The following HEATR4 variants were observed in gnomAD, a reference collection of about 807,000 sequenced individuals.
The protein encoded by HEATR4 is HEAT repeat containing 4.
HEATR4 carries 95 observed loss-of-function variants against 108.8 expected under a neutral mutation model. The ratio of observed to expected loss-of-function variants is 0.87; its 90% CI spans 0.74 to 1.04. The LOEUF (loss-of-function observed/expected upper bound fraction) is 1.04. Ranked by LOEUF, HEATR4 falls within the 50% of genes least tolerant of loss-of-function variation. HEATR4 has a pLI of 0.00. For missense variants in HEATR4, 1,152 were observed against 1,253.8 expected, an observed-to-expected ratio of 0.92 and a Z score of 1.23; for synonymous variants, 443 against 459.4, an observed-to-expected ratio of 0.96 and a Z score of 0.46.
At chr14:73,534,138 T>C (rs1482865213) in intron 1 of HEATR4, among the ~76,000 whole-genome samples, 1 of 110,502 alleles carries the variant, frequency 9.0e-6, no homozygotes, top group Non-Finnish European at 1.9e-5. Context: ...CCCAGCACTT[T>C]GGGAGGCTGA....
chr14:73,621,079 G>T, the HEATR4 span, among the ~76,000 whole-genome samples: 1 of 151,980 alleles, frequency 6.6e-6, no homozygotes, highest in South Asian at 2.1e-4. Flanking sequence ...CAGGCAAGGT[G>T]GCGGGCACCT....
intron 4 of HEATR4, among the ~76,000 whole-genome samples, chr14:73,519,518 G>A (rs76778066): frequency 0.063 from 9,527 of 152,162 alleles, 348 homozygotes; most frequent in Admixed American, 0.12. Flanking sequence ...GGCCGAGGTG[G>A]GTGGATCACA....
the HEATR4 span, chr14:73,569,414 G>C: frequency 1.2e-6 from 2 of 1,613,866 alleles, no homozygotes; most frequent in Admixed American, 3.3e-5. Context: ...AGATCATTAG[G>C]GTTCCTGCTC....
At position 73,509,481 on chromosome 14, in the gene HEATR4, C is replaced by G. The variant is rs1204964410; in HGVS notation, c.1559-8G>C. On this transcript the variant is annotated splice_polypyrimidine_tract_variant and splice_region_variant and intron_variant, in intron 7 of 17. Transcript: ENST00000553558. Reference sequence around the variant, plus strand: ...AGTCCTGGATGGTCTTGTCTGTGATCAAAAGAGCCAGGTAAGAGAGTACTA... The same window carrying G: ...AGTCCTGGATGGTCTTGTCTGTGATGAAAAGAGCCAGGTAAGAGAGTACTA... The G allele has an allele frequency of 2.5e-6, 4 of 1,613,314 alleles. No homozygotes were observed. The highest frequency in any genetic ancestry group is 2.5e-6 in the Non-Finnish European group (3 of 1,179,890).
chr14:73,568,106 A>G, the HEATR4 span: 1 of 152,106 alleles, frequency 6.6e-6, no homozygotes. Flanking sequence ...TAGGCACAGA[A>G]CATACTTGAG....
chr14:73,615,290 G>A, the HEATR4 span, among the ~76,000 whole-genome samples: 1 of 150,940 alleles, frequency 6.6e-6, no homozygotes, highest in Non-Finnish European at 1.5e-5. Flanking sequence ...AGGAGGCTGA[G>A]GCAGGAGAAT....
At chr14:73,543,013 A>T in intron 1 of HEATR4, 1 of 1,243,884 alleles carries the variant, frequency 8.0e-7, no homozygotes, top group Non-Finnish European at 1.1e-6. Context: ...CTGTTTGTGG[A>T]GCCATTCTTC....
chr14:73,509,866 A>ATTTATATATTTATTTATT (rs1566832350), intron 7 of HEATR4, among the ~76,000 whole-genome samples: 1 of 67,524 alleles, frequency 1.5e-5, no homozygotes, highest in African/African-American at 6.3e-5. Flanking sequence ...ATATATATAT[A>ATTTATATATTTATTTATT]TATTTATTTA....
the HEATR4 span, chr14:73,569,336 G>A: frequency 6.2e-7 from 1 of 1,613,956 alleles, no homozygotes; most frequent in Non-Finnish European, 8.5e-7. Context: ...GAGCGTCCCG[G>A]CTGTACCAAT....
intron 17 of HEATR4, among the ~76,000 whole-genome samples, chr14:73,487,626 A>T (rs901499831): frequency 1.3e-5 from 2 of 152,180 alleles, no homozygotes; most frequent in Admixed American, 1.3e-4. Context: ...TCATGCTTGT[A>T]ATCCCAGGGC....
At position 73,478,789 on chromosome 14, in the gene HEATR4, T is replaced by C; in HGVS notation, c.2898A>G (p.Leu966=). The C allele has an allele frequency of 1.2e-6, 2 of 1,613,858 alleles. No homozygotes were observed. Among genetic ancestry groups the C allele is most frequent in the Non-Finnish European group, 1.7e-6 (2 of 1,179,908 alleles). Residue 966 remains leucine (L), a synonymous_variant, in exon 18 of 18, where the codon CTA becomes CTG. Coordinates refer to ENST00000553558, the MANE Select transcript of HEATR4 (RefSeq NM_001220484.1). ...NPWLQSSVPG[L]TTRSKVRSSL... is the part of the protein sequence containing the mutation. ...ATGAACGAACTTTGCTTCGTGTGGT[T>C]AGGCCTGGGACTGAACTTTGTAACC...
chr14:73,618,509 G>A, the HEATR4 span, among the ~76,000 whole-genome samples: 62 of 151,418 alleles, frequency 4.1e-4, 3 homozygotes, highest in East Asian at 7.9e-3. Context: ...CAGGGCCCAC[G>A]GGCTGACCTC....
intron 13 of HEATR4, among the ~76,000 whole-genome samples, chr14:73,498,723 G>A (rs1886245678): frequency 6.6e-6 from 1 of 152,224 alleles, no homozygotes; most frequent in African/African-American, 2.4e-5. Flanking sequence ...GTCTGTAGCA[G>A]TCTTGAAACT....
rs753112028 is a variant in HEATR4, at chr14:73,512,033, G to A, written c.1531C>T (p.Arg511Trp). Residue 511 changes from arginine to tryptophan, a missense_variant, in exon 7 of 18, where the codon CGG (arginine) becomes TGG (tryptophan). By Grantham distance (101) the Arg-to-Trp change is moderately radical. Coordinates refer to ENST00000553558, the MANE Select transcript of HEATR4 (RefSeq NM_001220484.1). ...GAGTCTCTCTGGCTGGTGGCAATCC[G>A]GGGCCGTTCCAAAGCAGCTGTGGCA... The part of the protein sequence containing the change: ...TCATAALERP[R>W]IATSQRDSDK... 6.2e-6 allele frequency: 10 copies of A among 1,613,826 alleles called. No homozygotes were observed. Among genetic ancestry groups the A allele is most frequent in the Admixed American group, 3.3e-5 (2 of 59,978 alleles).
the HEATR4 span, among the ~76,000 whole-genome samples, chr14:73,609,365 A>G: frequency 4.6e-5 from 7 of 152,162 alleles, no homozygotes; most frequent in Non-Finnish European, 7.3e-5. Context: ...GACATTGGGC[A>G]TGCTGGGGGT....
the HEATR4 span, among the ~76,000 whole-genome samples, chr14:73,578,909 C>T: frequency 6.6e-6 from 1 of 151,650 alleles, no homozygotes; most frequent in Non-Finnish European, 1.5e-5. Context: ...CACAGTGAAA[C>T]CCCATCTCTA....
chr14:73,617,346 G>A, the HEATR4 span: 1 of 1,053,236 alleles, frequency 9.5e-7, no homozygotes, highest in Non-Finnish European at 1.4e-6. Context: ...TGGGCATGGT[G>A]ATGTGCACCT....
the HEATR4 span, chr14:73,569,714 C>G: frequency 6.2e-7 from 1 of 1,609,234 alleles, no homozygotes; most frequent in African/African-American, 1.3e-5. Context: ...TGGTGAAGCG[C>G]GACGTGCGAA....
At chr14:73,597,424 G>C in the HEATR4 span, among the ~76,000 whole-genome samples, 2 of 150,502 alleles carry the variant, frequency 1.3e-5, no homozygotes, top group African/African-American at 4.9e-5. Context: ...TTGCTGTGTT[G>C]GCCAGGCTGG....
Sources: gnomAD v4.1 joint callset for allele counts (sites outside exome capture counted in the v4.1 genomes callset) on GRCh38, gnomAD v4.1.1 for gene constraint, MANE v1.5 for transcripts, NCBI Gene and HGNC (gene_info 2026-07-23, HGNC 2026-07-21) for gene names.